The following UHRF1 variants were observed in gnomAD, a reference collection of about 807,000 sequenced individuals.
UHRF1 encodes the protein E3 ubiquitin-protein ligase UHRF1.
A neutral mutation model predicts 96.5 loss-of-function variants in UHRF1; 9 were observed. The ratio of observed to expected loss-of-function variants is 0.09; its 90% CI spans 0.06 to 0.16. The LOEUF is 0.16. Ranked by LOEUF, UHRF1 falls within the 10% of genes least tolerant of loss-of-function variation. UHRF1 has a pLI of 1.00. For missense variants in UHRF1, 626 were observed against 1,131.1 expected (o/e 0.55, Z 6.40); for synonymous variants, 455 against 469.9 (o/e 0.97, Z 0.41).
intron 2 of UHRF1, among the ~76,000 whole-genome samples, chr19:4,919,919 G>A (rs540640742): frequency 4.1e-4 from 63 of 151,944 alleles, no homozygotes; most frequent in African/African-American, 1.5e-3. Flanking sequence ...CCGGGTTCAA[G>A]CGATTCTCCT....
upstream of UHRF1, among the ~76,000 whole-genome samples, chr19:4,907,115 A>G (rs1159993184): frequency 5.3e-5 from 8 of 152,298 alleles, no homozygotes; most frequent in Admixed American, 3.9e-4. Context: ...CAAAACACAC[A>G]TTTATTTATT....
intron 10 of UHRF1, among the ~76,000 whole-genome samples, chr19:4,946,388 C>T (rs540788216): frequency 7.9e-5 from 12 of 152,232 alleles, no homozygotes; most frequent in Non-Finnish European, 1.5e-4. Context: ...CCTATTCTGC[C>T]GTGCGGAGGG....
chr19:4,904,312 G>A (rs2032016942), intron 1 of UHRF1, among the ~76,000 whole-genome samples: 1 of 152,066 alleles, frequency 6.6e-6, no homozygotes, highest in African/African-American at 2.4e-5. Flanking sequence ...CCGAGTAGCT[G>A]GGACTACAGG....
At chr19:4,942,560 T>C (rs1452850593) in intron 7 of UHRF1, among the ~76,000 whole-genome samples, 1 of 152,106 alleles carries the variant, frequency 6.6e-6, no homozygotes, top group Non-Finnish European at 1.5e-5. Context: ...GCAATTCTCG[T>C]GCCTCAGCCT....
At chr19:4,947,022 C>T in intron 10 of UHRF1, 83 bp from the exon 11 acceptor site, 1 of 1,062,602 alleles carries the variant, frequency 9.4e-7, no homozygotes, top group Non-Finnish European at 1.4e-6. Flanking sequence ...AAGTAGCCAT[C>T]CTGGGGAGTT....
At chr19:4,915,277 G>A (rs986860010) in intron 2 of UHRF1, among the ~76,000 whole-genome samples, 10 of 152,128 alleles carry the variant, frequency 6.6e-5, no homozygotes, top group African/African-American at 2.2e-4. Flanking sequence ...CACCCACTGC[G>A]GCATCCCTCC....
rs576010119 is a variant in UHRF1, at chr19:4,921,982, GTC to G, written c.154-7237_154-7236del. 1.8e-4 allele frequency among the ~76,000 whole-genome samples: 28 copies of G among 152,328 alleles called. No individual in the cohort carries two copies. The South Asian group carries it at 5.4e-3, about 29-fold the overall frequency. ...TTATTTTGTTTATTTATTTGAGACA[GTC>G]TCGCTCTGTCGCCTAGGCTGGAGTG... On this transcript the variant is annotated intron_variant, in intron 2 of 16. Coordinates refer to ENST00000650932, the MANE Select transcript of UHRF1 (RefSeq NM_001048201.3).
chr19:4,937,413 G>A (rs2033250111), intron 5 of UHRF1, among the ~76,000 whole-genome samples: 1 of 151,652 alleles, frequency 6.6e-6, no homozygotes, highest in South Asian at 2.1e-4. Context: ...CCAGGCTGGA[G>A]TGCGGTGATG....
intron 7 of UHRF1, among the ~76,000 whole-genome samples, chr19:4,942,875 G>GT (rs1422087400): frequency 1.3e-5 from 2 of 152,128 alleles, no homozygotes; most frequent in African/African-American, 2.4e-5. Flanking sequence ...GAGGTCGAGG[G>GT]TGCAGTGAAC....
chr19:4,933,328 GC>G (rs2033116972), intron 5 of UHRF1, among the ~76,000 whole-genome samples: 1 of 152,120 alleles, frequency 6.6e-6, no homozygotes, highest in African/African-American at 2.4e-5. Flanking sequence ...CCATTCTCCT[GC>G]CTCAGCCTCC....
At position 4,954,603 on chromosome 19, in the gene UHRF1, CA is replaced by C. The variant is rs17881653; in HGVS notation, c.1958-46del. On this transcript the variant is annotated intron_variant, in intron 14 of 16. Coordinates refer to ENST00000650932, the MANE Select transcript of UHRF1 (RefSeq NM_001048201.3). This position sits in a 1 kb window ranked among gnomAD's most constrained non-coding sequence, Gnocchi z 5.9. ...TGGGAGCCGGTGGCTGTCTCTCCGG[CA>C]GCTCGGGCCACGCGCCCCTCCCTCA... 9,617 of 1,598,512 alleles carry C rather than the reference CA, an allele frequency of 6.0e-3. 494 individuals carry two copies. The African/African-American group carries it at 0.11, about 19-fold the overall frequency.
intron 2 of UHRF1, among the ~76,000 whole-genome samples, chr19:4,918,693 C>T (rs1480900278): frequency 5.5e-5 from 8 of 145,050 alleles, no homozygotes; most frequent in South Asian, 2.2e-4. Flanking sequence ...GGATTACAGG[C>T]GTGAGCTACT....
At chr19:4,940,470 G>C (rs753106361) in intron 5 of UHRF1, among the ~76,000 whole-genome samples, 3 of 143,238 alleles carry the variant, frequency 2.1e-5, no homozygotes, top group African/African-American at 7.7e-5. Flanking sequence ...AGGTTCAAGC[G>C]ATTCTCCTGC....
In UHRF1 at chr19:4,954,841, C is replaced by T. The variant is rs551529321; in HGVS notation, c.2130+19C>T. ...CAGCCCGGTAGGCTCGCACGGCTCA[C>T]TCGTCGCCCTGATTTGCGTTGACTG... On this transcript the variant is annotated intron_variant, in intron 15 of 16. Transcript: ENST00000650932. The surrounding 1 kb of genome is among the most constrained non-coding windows in gnomAD (Gnocchi z 5.9). 51 of 1,609,396 alleles carry T rather than the reference C, an allele frequency of 3.2e-5. No homozygotes were observed. In the South Asian group the frequency reaches 5.4e-4, roughly 17 times the overall value.
At chr19:4,939,771 T>G (rs1373803095) in intron 5 of UHRF1, among the ~76,000 whole-genome samples, 1 of 152,098 alleles carries the variant, frequency 6.6e-6, no homozygotes, top group Non-Finnish European at 1.5e-5. Flanking sequence ...ATGCCTGTAA[T>G]CCCAGTACTT....
At position 4,930,105 on chromosome 19, in the gene UHRF1, G is replaced by T. The variant is rs1051108959; in HGVS notation, c.409-611G>T. ...TTCTCGTGCCTCAGCCTCCTGAGTA[G>T]CTGGGATTACAGGCATGTGCCACCA... On this transcript the variant is annotated intron_variant, in intron 3 of 16. Coordinates refer to ENST00000650932, the MANE Select transcript of UHRF1 (RefSeq NM_001048201.3). The surrounding 1 kb of genome is among the most constrained non-coding windows in gnomAD (Gnocchi z 4.4). Among the ~76,000 whole-genome samples the T allele has an allele frequency of 5.3e-5, 8 of 152,188 alleles. No homozygotes were observed. Among genetic ancestry groups the T allele is most frequent in the Admixed American group, 5.2e-4 (8 of 15,264 alleles).
In UHRF1 at chr19:4,929,335, G is replaced by GCTCTCCGAC. The variant is rs2032973958; in HGVS notation, c.268_276dup (p.Leu90_Asp92dup). The GCTCTCCGAC allele has an allele frequency of 6.2e-7, 1 of 1,613,512 alleles. No individual in the cohort carries two copies. Among genetic ancestry groups the GCTCTCCGAC allele is most frequent in the Non-Finnish European group, 8.5e-7 (1 of 1,179,902 alleles). ...ACAGCACCAAGGAGCGGGACTCCGA[G>GCTCTCCGAC]CTCTCCGACACCGACTCCGGCTGCT... On this transcript the variant is annotated inframe_insertion, in exon 3 of 17. Coordinates refer to ENST00000650932, the MANE Select transcript of UHRF1 (RefSeq NM_001048201.3).
At chr19:4,941,316 C>G (rs1002624731) in intron 5 of UHRF1, among the ~76,000 whole-genome samples, 17 of 151,988 alleles carry the variant, frequency 1.1e-4, no homozygotes, top group African/African-American at 4.1e-4. Context: ...GTCTCGAACT[C>G]CTGACCTCGG....
rs1171655897 is a variant in UHRF1 at position 4,941,080 on chromosome 19, G to GTTTTTTTT, written c.786-444_786-443insTTTTTTTT. On this transcript the variant is annotated intron_variant, in intron 5 of 16. Transcript: ENST00000650932. ...CCTGCAATGAAACTCTGGTTTCTGT[G>GTTTTTTTT]TTTTGTTTTTTTTTTTTTTTTTTTT... Among the ~76,000 whole-genome samples the GTTTTTTTT allele has an allele frequency of 4.8e-3, 546 of 112,834 alleles. 17 individuals carry two copies. The highest frequency in any genetic ancestry group is 0.018 in the African/African-American group (488 of 26,652). The allele number at this position is 112,834 out of a possible 152,430, so 74.0% of individuals were successfully genotyped here.
Sources: gnomAD v4.1 joint callset for allele counts (sites outside exome capture counted in the v4.1 genomes callset) on GRCh38, gnomAD v4.1.1 for gene constraint, Gnocchi (gnomAD v3.1) non-coding constraint, MANE v1.5 for transcripts, NCBI Gene and HGNC (gene_info 2026-07-23, HGNC 2026-07-21) for gene names.